The following DLGAP2 variants were observed in gnomAD, a reference collection of about 807,000 sequenced individuals.
The protein encoded by DLGAP2 is DLG associated protein 2.
Under a neutral mutation model 100.3 loss-of-function variants are expected in DLGAP2, and 26 were observed. The ratio of observed to expected loss-of-function variants is 0.26; its 90% CI spans 0.19 to 0.36. The LOEUF (loss-of-function observed/expected upper bound fraction) is 0.36. Ranked by LOEUF, DLGAP2 falls within the 10% of genes least tolerant of loss-of-function variation. The pLI, the probability that DLGAP2 is intolerant of heterozygous loss-of-function variation, is 1.00. For synonymous variants in DLGAP2, 886 were observed against 630.1 expected (o/e 1.41, Z -6.08); for missense variants, 1,858 against 1,453.2 (o/e 1.28, Z -4.53).
At chr8:1,200,063 G>A (rs1170705254) in intron 2 of DLGAP2, among the ~76,000 whole-genome samples, 4 of 152,124 alleles carry the variant, frequency 2.6e-5, no homozygotes, top group African/African-American at 9.7e-5. Flanking sequence ...GGATGAGGAC[G>A]ACTCCGTACA....
chr8:1,007,946 C>A (rs1801169092), intron 2 of DLGAP2, among the ~76,000 whole-genome samples: 2 of 152,192 alleles, frequency 1.3e-5, no homozygotes, highest in Admixed American at 6.5e-5. Context: ...GTCCGTCTCG[C>A]TGGTGACAGG....
intron 2 of DLGAP2, among the ~76,000 whole-genome samples, chr8:1,021,989 A>C (rs1229306274): frequency 1.3e-5 from 2 of 152,184 alleles, no homozygotes; most frequent in Non-Finnish European, 2.9e-5. Context: ...GCCAAGTTGC[A>C]TGTGCGAAAG....
chr8:1,678,713 A>C lies in DLGAP2; in HGVS notation c.2704+84A>C, dbSNP rs1798872111. On this transcript the variant is annotated intron_variant, in intron 12 of 14. Transcript: ENST00000637795. Reference sequence around the variant, plus strand: ...GCACATCACAGCATTAGTGGAGAAAAGTTCCTCCCTTTGGTATTCAAGTGA... The same window carrying C: ...GCACATCACAGCATTAGTGGAGAAACGTTCCTCCCTTTGGTATTCAAGTGA... 3.7e-6 allele frequency: 5 copies of C among 1,362,024 alleles called. No individual in the cohort carries two copies. The South Asian group carries it at 7.5e-5, about 20-fold the overall frequency. The allele number at this position is 1,362,024 out of a possible 1,614,324, so 84.4% of individuals were successfully genotyped here.
intron 2 of DLGAP2, among the ~76,000 whole-genome samples, chr8:973,531 A>G (rs1300249142): frequency 6.6e-6 from 1 of 151,862 alleles, no homozygotes; most frequent in East Asian, 2.0e-4. Flanking sequence ...CCGGGCAGAG[A>G]TGCTCCTCAC....
At chr8:740,231 G>T (rs1237780627) in intron 1 of DLGAP2, 1 of 152,200 alleles carries the variant, frequency 6.6e-6, no homozygotes, top group Non-Finnish European at 1.5e-5. Flanking sequence ...TTCTCAGCAC[G>T]AAGATGTTTT....
chr8:1,572,536 T>G (rs1368426485), intron 6 of DLGAP2, among the ~76,000 whole-genome samples: 21 of 47,416 alleles, frequency 4.4e-4, no homozygotes, highest in Non-Finnish European at 6.0e-4. Context: ...GGGTGAACTG[T>G]GGGGGCGTCT....
intron 3 of DLGAP2, among the ~76,000 whole-genome samples, chr8:1,338,891 G>T (rs1801352389): frequency 6.7e-6 from 1 of 148,574 alleles, no homozygotes; most frequent in Non-Finnish European, 1.5e-5. Flanking sequence ...GGCAGGGAAT[G>T]CAGTGACCTC....
intron 1 of DLGAP2, among the ~76,000 whole-genome samples, chr8:777,899 C>G (rs1821571320): frequency 6.6e-6 from 1 of 152,152 alleles, no homozygotes; most frequent in East Asian, 1.9e-4. Flanking sequence ...GTCGGCCTGC[C>G]TTGCTAGATT....
At chr8:1,294,883 C>A (rs61029772) in intron 3 of DLGAP2, among the ~76,000 whole-genome samples, 16,046 of 137,746 alleles carry the variant, frequency 0.12, 1,216 homozygotes, top group East Asian at 0.23. Context: ...CAAAAAAAAA[C>A]AAAACTTTTT....
At chr8:1,654,676 A>G (rs916533092) in intron 8 of DLGAP2, among the ~76,000 whole-genome samples, 3 of 152,042 alleles carry the variant, frequency 2.0e-5, no homozygotes, top group Non-Finnish European at 4.4e-5. Context: ...AAAAAAAAAA[A>G]AAAGAATTGG....
chr8:868,128 A>T (rs545621371), intron 1 of DLGAP2, among the ~76,000 whole-genome samples: 1 of 152,262 alleles, frequency 6.6e-6, no homozygotes, highest in East Asian at 1.9e-4. Context: ...TTTCTTTATT[A>T]TTTATATTTA....
At chr8:1,212,575 C>G (rs1161117617) in intron 2 of DLGAP2, among the ~76,000 whole-genome samples, 1 of 152,102 alleles carries the variant, frequency 6.6e-6, no homozygotes, top group Admixed American at 6.5e-5. Context: ...GACGTATTAA[C>G]AAACTGCAGT....
intron 2 of DLGAP2, among the ~76,000 whole-genome samples, chr8:1,170,915 C>A (rs918589801): frequency 1.6e-4 from 24 of 148,124 alleles, no homozygotes; most frequent in Admixed American, 1.2e-3. Context: ...TTATTTCTTG[C>A]CTTCTGCTAG....
At chr8:1,436,281 A>C (rs979425116) in intron 3 of DLGAP2, among the ~76,000 whole-genome samples, 1 of 152,218 alleles carries the variant, frequency 6.6e-6, no homozygotes, top group South Asian at 2.1e-4. Flanking sequence ...CACTGGTGTG[A>C]GTCCAAGAGT....
intron 2 of DLGAP2, among the ~76,000 whole-genome samples, chr8:1,048,262 A>G (rs1283505893): frequency 6.6e-6 from 1 of 152,134 alleles, no homozygotes; most frequent in Non-Finnish European, 1.5e-5. Context: ...CAGTCCTGTG[A>G]GGCTGTCGTC....
intron 3 of DLGAP2, among the ~76,000 whole-genome samples, chr8:1,387,089 C>T (rs544969948): frequency 6.6e-6 from 1 of 152,060 alleles, no homozygotes; most frequent in African/African-American, 2.4e-5. Flanking sequence ...CGGGTGTGGT[C>T]GAAAAGCTCA....
chr8:1,421,370 C>G (rs1020618031), intron 3 of DLGAP2, among the ~76,000 whole-genome samples: 1 of 152,136 alleles, frequency 6.6e-6, no homozygotes, highest in African/African-American at 2.4e-5. Context: ...GAAGTTGTGA[C>G]TGCAGTTCAT....
chr8:994,413 T>G (rs1044707157), intron 2 of DLGAP2, among the ~76,000 whole-genome samples: 3 of 152,272 alleles, frequency 2.0e-5, no homozygotes, highest in Non-Finnish European at 2.9e-5. Flanking sequence ...TTGGTCAGGC[T>G]GGTCTCGAAC....
intron 1 of DLGAP2, among the ~76,000 whole-genome samples, chr8:805,458 C>T (rs1037603995): frequency 2.0e-5 from 3 of 152,104 alleles, no homozygotes; most frequent in African/African-American, 7.2e-5. Context: ...CTTCACTTAT[C>T]TAAAGATCTT....
Sources: gnomAD v4.1 joint callset for allele counts (sites outside exome capture counted in the v4.1 genomes callset) on GRCh38, gnomAD v4.1.1 for gene constraint, MANE v1.5 for transcripts, NCBI Gene and HGNC (gene_info 2026-07-23, HGNC 2026-07-21) for gene names.